KANTR: variants seen among roughly 807,000 people sequenced by gnomAD.
KANTR encodes the protein KANTR integral membrane protein.
downstream of KANTR, among the ~76,000 whole-genome samples, chrX:53,130,654 T>C: frequency 8.9e-6 from 1 of 112,417 alleles, no homozygotes; most frequent in African/African-American, 3.2e-5. Context: ...ACATGGCATG[T>C]AGTAAGCACT....
chrX:53,103,908 G>A (rs1372909283), intron 2 of KANTR, among the ~76,000 whole-genome samples: 2 of 111,350 alleles, frequency 1.8e-5, no homozygotes, highest in African/African-American at 6.5e-5. Flanking sequence ...TCACCTACTT[G>A]AGGACATGGT....
intron 2 of KANTR, among the ~76,000 whole-genome samples, chrX:53,101,235 C>T (rs1194506011): frequency 8.9e-6 from 1 of 112,836 alleles, no homozygotes; most frequent in Non-Finnish European, 1.9e-5. Context: ...CGCAAGAAGC[C>T]TAGCCTTCGG....
At chrX:53,132,411 CA>C (rs1933370657), downstream of KANTR, among the ~76,000 whole-genome samples, 1 of 111,866 alleles carries the variant, frequency 8.9e-6, no homozygotes, top group Non-Finnish European at 1.9e-5. Context: ...AGAATATGAA[CA>C]AGCAATTTCC....
intron 2 of KANTR, among the ~76,000 whole-genome samples, chrX:53,137,857 T>G: frequency 9.0e-6 from 1 of 111,375 alleles, no homozygotes. Context: ...TTTGTTTTTT[T>G]GTTTTGACAG....
At chrX:53,133,103 C>T (rs1933379447) in intron 2 of KANTR, among the ~76,000 whole-genome samples, 2 of 110,281 alleles carry the variant, frequency 1.8e-5, no homozygotes, top group African/African-American at 6.6e-5. Flanking sequence ...CACGGTGGCT[C>T]ACACCTGTAA....
At chrX:53,126,091 AGTAGTAGTAGTAGTAGTG>A (rs1933289377) in exon 3 of KANTR, 1 of 109,467 alleles carries the variant, frequency 9.1e-6, no homozygotes, top group African/African-American at 3.3e-5. Flanking sequence ...GTGTGTGTGT[AGTAGTAGTAGTAGTAGTG>A]GTAGTAGTGG....
At chrX:53,117,589 CTGTG>C (rs1227913049) in intron 2 of KANTR, among the ~76,000 whole-genome samples, 1 of 78,553 alleles carries the variant, frequency 1.3e-5, no homozygotes, top group African/African-American at 4.9e-5. Context: ...TAGTATCATA[CTGTG>C]TGTGTGTGTG....
chrX:53,118,441 G>A (rs187206574), intron 2 of KANTR, among the ~76,000 whole-genome samples: 1 of 111,732 alleles, frequency 8.9e-6, no homozygotes, highest in Admixed American at 9.6e-5. Context: ...TTCCTCTTCT[G>A]TGAAAGGACT....
exon 3 of KANTR, chrX:53,127,294 T>C (rs1556816312): frequency 8.9e-6 from 1 of 112,446 alleles, no homozygotes; most frequent in African/African-American, 3.2e-5. Context: ...TTTATATTTA[T>C]TTATTGTGGT....
chrX:53,095,292 T>C (rs1463742980), intron 1 of KANTR, among the ~76,000 whole-genome samples: 1 of 111,998 alleles, frequency 8.9e-6, no homozygotes, highest in African/African-American at 3.2e-5. Context: ...ACATCCTATT[T>C]TCTATTTCCA....
chrX:53,095,277 C>T (rs1384929390), intron 1 of KANTR, among the ~76,000 whole-genome samples: 2 of 111,830 alleles, frequency 1.8e-5, no homozygotes, highest in African/African-American at 6.5e-5. Flanking sequence ...TCCATACAGC[C>T]CTGGACATCC....
chrX:53,106,651 C>T (rs1429216152), intron 2 of KANTR, among the ~76,000 whole-genome samples: 2 of 110,326 alleles, frequency 1.8e-5, no homozygotes, highest in East Asian at 5.6e-4. Flanking sequence ...ATCCTCTCAC[C>T]TCAGCCTCCC....
intron 2 of KANTR, among the ~76,000 whole-genome samples, chrX:53,117,281 A>G (rs988525676): frequency 3.3e-4 from 37 of 111,583 alleles, no homozygotes; most frequent in African/African-American, 1.2e-3. Flanking sequence ...TCCATCTCAA[A>G]AAACAAACAA....
intron 2 of KANTR, among the ~76,000 whole-genome samples, chrX:53,102,980 GTTTGTTTTTTTTTT>G (rs1376287028): frequency 1.5e-5 from 1 of 66,805 alleles, no homozygotes; most frequent in Non-Finnish European, 2.8e-5. Flanking sequence ...CCCTTGTTTT[GTTTGTTTTTTTTTT>G]TTTTTTTTGA....
chrX:53,097,543 G>C (rs1556811131), intron 1 of KANTR, among the ~76,000 whole-genome samples: 1 of 103,335 alleles, frequency 9.7e-6, no homozygotes, highest in African/African-American at 3.5e-5. Flanking sequence ...AGCAGAGACA[G>C]GGTTTCACCA....
chrX:53,134,976 A>T (rs1440926400), intron 2 of KANTR, among the ~76,000 whole-genome samples: 1 of 111,953 alleles, frequency 8.9e-6, no homozygotes, highest in Non-Finnish European at 1.9e-5. Flanking sequence ...CAAGTAAATC[A>T]TTGCAACAGA....
In KANTR at chrX:53,136,693, C is replaced by CATATATATATATATAT. The variant is rs58263602; in HGVS notation, n.204-5132_204-5117dup. On this transcript the variant is annotated intron_variant and non_coding_transcript_variant, in intron 2 of 2. Transcript: ENST00000366185. ...TACAGGCAAGATCTACCACGCCCGG[C>CATATATATATATATAT]ATATATATATATATATATATATATA... Among the ~76,000 whole-genome samples the CATATATATATATATAT allele has an allele frequency of 3.8e-3, 35 of 9,285 alleles. 1 individual carries two copies. Among genetic ancestry groups the CATATATATATATATAT allele is most frequent in the Non-Finnish European group, 7.8e-3 (21 of 2,705 alleles). The allele number at this position is 9,285 out of a possible 115,157, so 8.1% of individuals were successfully genotyped here.
downstream of KANTR, among the ~76,000 whole-genome samples, chrX:53,147,348 A>G (rs1429065409): frequency 1.3e-4 from 15 of 111,437 alleles, no homozygotes; most frequent in African/African-American, 1.3e-4. Flanking sequence ...CTTTAAACGA[A>G]CAAAGATCAA....
chrX:53,132,100 G>GA (rs1933366805), downstream of KANTR, among the ~76,000 whole-genome samples: 1 of 112,432 alleles, frequency 8.9e-6, no homozygotes, highest in Non-Finnish European at 1.9e-5. Flanking sequence ...ATTGCTGAGA[G>GA]AAAGAGGAGC....
Sources: gnomAD v4.1 joint callset for allele counts (sites outside exome capture counted in the v4.1 genomes callset) on GRCh38, gnomAD v4.1.1 for gene constraint, MANE v1.5 for transcripts, NCBI Gene and HGNC (gene_info 2026-07-23, HGNC 2026-07-21) for gene names.